HSD17B12: variants seen among roughly 807,000 people sequenced by gnomAD.
The protein encoded by HSD17B12 is very-long-chain 3-oxoacyl-CoA reductase.
A neutral mutation model predicts 39.3 loss-of-function variants in HSD17B12; 32 were observed. The ratio of observed to expected loss-of-function variants is 0.81; its 90% confidence interval spans 0.61 to 1.09. HSD17B12 has a LOEUF of 1.09. Among genes scored for constraint, HSD17B12 ranks in the 50% least tolerant of loss-of-function variants. The pLI is 0.00. For missense variants in HSD17B12, 342 were observed against 382.9 expected, an observed-to-expected ratio of 0.89 and a Z score of 0.89; for synonymous variants, 150 against 146.7, an observed-to-expected ratio of 1.02 and a Z score of -0.16.
chr11:43,780,525 T>C (rs1950755097), intron 3 of HSD17B12, among the ~76,000 whole-genome samples: 1 of 152,112 alleles, frequency 6.6e-6, no homozygotes, highest in Admixed American at 6.5e-5. Context: ...GTGCATACCA[T>C]ACATATGTTA....
At chr11:43,608,348 G>A in the HSD17B12 span, among the ~76,000 whole-genome samples, 1 of 142,080 alleles carries the variant, frequency 7.0e-6, no homozygotes, top group Non-Finnish European at 1.5e-5. Context: ...GGTGACCAGA[G>A]TGAGACTCTG....
intron 4 of HSD17B12, among the ~76,000 whole-genome samples, chr11:43,800,170 C>T (rs1487982348): frequency 6.6e-6 from 1 of 152,136 alleles, no homozygotes; most frequent in Non-Finnish European, 1.5e-5. Flanking sequence ...CTGTAAAAAT[C>T]CAAATCAGCA....
At chr11:43,810,278 C>T (rs908435760) in intron 4 of HSD17B12, among the ~76,000 whole-genome samples, 2 of 150,194 alleles carry the variant, frequency 1.3e-5, no homozygotes, top group South Asian at 2.1e-4. Context: ...CAGCAGCAAA[C>T]GAACTTAGAA....
At chr11:43,655,719 G>A in the HSD17B12 span, among the ~76,000 whole-genome samples, 12 of 152,074 alleles carry the variant, frequency 7.9e-5, no homozygotes, top group South Asian at 2.1e-4. Context: ...ATTGATTTTC[G>A]TATGTTGAAC....
chr11:43,641,316 T>G, the HSD17B12 span, among the ~76,000 whole-genome samples: 1 of 151,966 alleles, frequency 6.6e-6, no homozygotes, highest in South Asian at 2.1e-4. Flanking sequence ...TTAAAAATAT[T>G]TAAGACATAA....
chr11:43,781,595 A>G (rs892107925), intron 3 of HSD17B12, among the ~76,000 whole-genome samples: 5 of 152,214 alleles, frequency 3.3e-5, no homozygotes, highest in Non-Finnish European at 2.9e-5. Context: ...TTTGAGTGTC[A>G]TGGACCTTCT....
the HSD17B12 span, among the ~76,000 whole-genome samples, chr11:43,621,901 C>T: frequency 6.6e-6 from 1 of 152,110 alleles, no homozygotes. Flanking sequence ...TTTACTTTTA[C>T]AGCAAAAGAA....
At chr11:43,666,482 G>A in the HSD17B12 span, among the ~76,000 whole-genome samples, 6 of 152,142 alleles carry the variant, frequency 3.9e-5, no homozygotes, top group African/African-American at 1.2e-4. Context: ...TGGGACTGCA[G>A]GCGCACACCA....
intron 6 of HSD17B12, among the ~76,000 whole-genome samples, chr11:43,823,690 A>C (rs1351463292): frequency 6.6e-6 from 1 of 152,154 alleles, no homozygotes; most frequent in African/African-American, 2.4e-5. Flanking sequence ...TGGGCCTCGC[A>C]TACGTAAGGT....
At chr11:43,846,602 T>C (rs1410294444) in intron 9 of HSD17B12, among the ~76,000 whole-genome samples, 1 of 152,152 alleles carries the variant, frequency 6.6e-6, no homozygotes, top group African/African-American at 2.4e-5. Context: ...GAGGCAGAGG[T>C]TGCTGTGAGC....
At chr11:43,800,448 TG>T (rs1200175527) in intron 4 of HSD17B12, among the ~76,000 whole-genome samples, 1 of 152,232 alleles carries the variant, frequency 6.6e-6, no homozygotes, top group Admixed American at 6.5e-5. Flanking sequence ...ATAGATGCTC[TG>T]GGACTATGGC....
chr11:43,575,834 A>G, the HSD17B12 span, among the ~76,000 whole-genome samples: 1 of 152,248 alleles, frequency 6.6e-6, no homozygotes, highest in African/African-American at 2.4e-5. This position sits in a 1 kb window ranked among gnomAD's most constrained non-coding sequence, Gnocchi z 4.1. Flanking sequence ...GTGAATTACT[A>G]GAACGCAAAA....
chr11:43,745,796 C>T (rs1359723839), intron 1 of HSD17B12, among the ~76,000 whole-genome samples: 4 of 151,962 alleles, frequency 2.6e-5, no homozygotes, highest in African/African-American at 7.2e-5. Flanking sequence ...TTTGGAAGGC[C>T]GAGGTGGGAG....
At chr11:43,767,299 T>A (rs1590282076) in intron 3 of HSD17B12, among the ~76,000 whole-genome samples, 1 of 152,306 alleles carries the variant, frequency 6.6e-6, no homozygotes, top group East Asian at 1.9e-4. Context: ...CCTCCCACTT[T>A]TAAAATTTGG....
the HSD17B12 span, among the ~76,000 whole-genome samples, chr11:43,672,225 GT>G: frequency 2.6e-5 from 4 of 151,724 alleles, no homozygotes; most frequent in Non-Finnish European, 5.9e-5. Flanking sequence ...ATTTTTTTGT[GT>G]TTTTAGTAGA....
At chr11:43,601,698 A>C in the HSD17B12 span, among the ~76,000 whole-genome samples, 1 of 152,210 alleles carries the variant, frequency 6.6e-6, no homozygotes, top group Non-Finnish European at 1.5e-5. Context: ...CATTCAGGAC[A>C]TGATGCTGGC....
chr11:43,735,833 A>G (rs74411474), intron 1 of HSD17B12, among the ~76,000 whole-genome samples: 1 of 152,170 alleles, frequency 6.6e-6, no homozygotes, highest in African/African-American at 2.4e-5. Flanking sequence ...ATGGTGGAAG[A>G]TGAAGGGGAA....
intron 1 of HSD17B12, among the ~76,000 whole-genome samples, chr11:43,722,255 G>A (rs939921849): frequency 6.6e-6 from 1 of 152,146 alleles, no homozygotes. Flanking sequence ...CTCCTAAAGT[G>A]AAATTGTTTT....
the HSD17B12 span, among the ~76,000 whole-genome samples, chr11:43,596,028 C>G: frequency 6.6e-6 from 1 of 152,190 alleles, no homozygotes; most frequent in African/African-American, 2.4e-5. Context: ...CCATCCAGCC[C>G]AAACTCCCCA....
Sources: gnomAD v4.1 joint callset for allele counts (sites outside exome capture counted in the v4.1 genomes callset) on GRCh38, gnomAD v4.1.1 for gene constraint, Gnocchi (gnomAD v3.1) non-coding constraint, MANE v1.5 for transcripts, NCBI Gene and HGNC (gene_info 2026-07-23, HGNC 2026-07-21) for gene names.